Variants in NRF1 observed in about 807,000 individuals in gnomAD.
The protein encoded by NRF1 is alpha palindromic-binding protein.
A neutral mutation model predicts 58.5 loss-of-function variants in NRF1; 5 were observed. That is an observed-to-expected ratio of 0.09 (90% CI 0.04 to 0.18). The LOEUF is 0.18. Among genes scored for constraint, NRF1 ranks in the 10% least tolerant of loss-of-function variants. The pLI, the probability that NRF1 is intolerant of heterozygous loss-of-function variation, is 1.00. For missense variants in NRF1, 288 were observed against 657.7 expected (o/e 0.44, Z 6.15); for synonymous variants, 224 against 246.7 (o/e 0.91, Z 0.86).
In NRF1 at chr7:129,657,457, A is replaced by G. The variant is rs1801683846; in HGVS notation, c.106A>G (p.Ser36Gly). ...CCATGTGGCTACTTACACCGAGCAT[A>G]GTATGCTGAGTGCTGATGAAGACTC... ...QVHVATYTEH[S>G]MLSADEDSPS... The change falls in exon 2 of 11, where the codon AGT becomes GGT. Residue 36 changes from serine (S) to glycine (G), a missense_variant. Ser to Gly is a moderately conservative substitution (Grantham distance 56). Around this residue, in one of 3 missense-constraint regions of NRF1, gnomAD observed 48 missense variants for 65.5 expected, o/e 0.73. Coordinates refer to ENST00000393232, the MANE Select transcript of NRF1 (RefSeq NM_005011.5). The G allele has an allele frequency of 6.2e-7, 1 of 1,614,114 alleles. No homozygotes were observed. The highest frequency in any genetic ancestry group is 8.5e-7 in the Non-Finnish European group (1 of 1,180,010).
intron 1 of NRF1, among the ~76,000 whole-genome samples, chr7:129,619,398 A>ATG (rs1800724463): frequency 5.8e-5 from 1 of 17,230 alleles, no homozygotes; most frequent in Non-Finnish European, 1.2e-4. Flanking sequence ...GCATACGTGT[A>ATG]TATATATATA....
At chr7:129,676,381 T>G (rs914650875) in intron 3 of NRF1, among the ~76,000 whole-genome samples, 1 of 152,192 alleles carries the variant, frequency 6.6e-6, no homozygotes, top group African/African-American at 2.4e-5. Context: ...AGCTTTTGAT[T>G]AAAAGTGGGA....
chr7:129,633,788 ATGTGTGTGTG>A (rs5887437), intron 1 of NRF1: 1 of 150,814 alleles, frequency 6.6e-6, no homozygotes, highest in Admixed American at 6.6e-5. Flanking sequence ...ACTATAAGTG[ATGTGTGTGTG>A]TGTGTATGTG....
At chr7:129,631,236 A>AT (rs55900304) in intron 1 of NRF1, among the ~76,000 whole-genome samples, 213 of 146,238 alleles carry the variant, frequency 1.5e-3, no homozygotes, top group East Asian at 1.8e-3. Flanking sequence ...ATTTGATTTA[A>AT]TTTTTTTTTT....
chr7:129,692,568 TAATGAATG>T (rs773064686), intron 5 of NRF1, among the ~76,000 whole-genome samples: 5 of 152,246 alleles, frequency 3.3e-5, no homozygotes, highest in African/African-American at 1.2e-4. Context: ...AATGAGTGAA[TAATGAATG>T]AATGAATGAA....
chr7:129,716,009 C>CA lies in NRF1; in HGVS notation c.1066-1208dup, dbSNP rs759465047. Among the ~76,000 whole-genome samples the CA allele has an allele frequency of 6.5e-3, 633 of 97,328 alleles. 6 individuals are homozygous for CA. Among genetic ancestry groups the CA allele is most frequent in the African/African-American group, 0.021 (483 of 23,364 alleles). 63.9% of individuals were successfully genotyped at this position (97,328 alleles called of 152,430 possible). ...AACAAGAGCAAAACTCCGTCTCCAA[C>CA]AACAAAAAAAAAAAAGCCATTCTAT... On this transcript the variant is annotated intron_variant, in intron 8 of 10. Coordinates refer to ENST00000393232, the MANE Select transcript of NRF1 (RefSeq NM_005011.5).
At chr7:129,717,992 G>A (rs1252596311) in intron 9 of NRF1, among the ~76,000 whole-genome samples, 1 of 152,098 alleles carries the variant, frequency 6.6e-6, no homozygotes, top group Admixed American at 6.5e-5. Context: ...GCTTATCAGC[G>A]AGCTCAAGAT....
chr7:129,619,486 GTGTGTATA>G (rs1231834174), intron 1 of NRF1, among the ~76,000 whole-genome samples: 846 of 32,204 alleles, frequency 0.026, 13 homozygotes, highest in Middle Eastern at 0.11. Context: ...GTGTGTGTGT[GTGTGTATA>G]TATATATATA....
intron 10 of NRF1, among the ~76,000 whole-genome samples, chr7:129,731,972 T>G (rs1007508121): frequency 1.3e-5 from 2 of 152,208 alleles, no homozygotes; most frequent in African/African-American, 4.8e-5. Flanking sequence ...TACACCTTAA[T>G]GTAAGAAGTC....
intron 10 of NRF1, among the ~76,000 whole-genome samples, chr7:129,750,497 T>G (rs1804089078): frequency 2.0e-5 from 1 of 50,850 alleles, no homozygotes; most frequent in African/African-American, 4.0e-5. Context: ...GGTCTTAAAA[T>G]CCCTACAGTG....
chr7:129,705,188 G>A (rs1401716637), intron 5 of NRF1, among the ~76,000 whole-genome samples: 3 of 152,148 alleles, frequency 2.0e-5, no homozygotes, highest in Non-Finnish European at 4.4e-5. Flanking sequence ...TGCTATCTCA[G>A]CCTCTTCATT....
chr7:129,742,425 C>T (rs1584689572), intron 10 of NRF1, among the ~76,000 whole-genome samples: 1 of 152,078 alleles, frequency 6.6e-6, no homozygotes, highest in South Asian at 2.1e-4. Flanking sequence ...GCTAGAGAGG[C>T]GTCCAGCAGT....
chr7:129,612,612 G>T (rs1376882408), intron 1 of NRF1, among the ~76,000 whole-genome samples: 1 of 152,242 alleles, frequency 6.6e-6, no homozygotes, highest in East Asian at 1.9e-4. Context: ...TTCTTCCTGT[G>T]CCTGGGGTGG....
At chr7:129,746,389 C>T (rs1317444690) in intron 10 of NRF1, among the ~76,000 whole-genome samples, 1 of 152,182 alleles carries the variant, frequency 6.6e-6, no homozygotes, top group Non-Finnish European at 1.5e-5. Context: ...TTGGTATTCT[C>T]AGCCTGTCTA....
At chr7:129,627,335 C>T (rs1170599633) in intron 1 of NRF1, among the ~76,000 whole-genome samples, 1 of 152,096 alleles carries the variant, frequency 6.6e-6, no homozygotes, top group East Asian at 1.9e-4. Flanking sequence ...CCTTAGTTTC[C>T]CCAGTAGCTG....
chr7:129,665,166 T>C (rs1801890858), intron 2 of NRF1, among the ~76,000 whole-genome samples: 1 of 152,158 alleles, frequency 6.6e-6, no homozygotes. Flanking sequence ...AGCAAGGACT[T>C]GCAGATGGGA....
chr7:129,637,221 A>G (rs1450716506), intron 1 of NRF1, among the ~76,000 whole-genome samples: 1 of 151,852 alleles, frequency 6.6e-6, no homozygotes, highest in Non-Finnish European at 1.5e-5. Flanking sequence ...GAGGTTCTGT[A>G]CAGGATTCTG....
intron 1 of NRF1, among the ~76,000 whole-genome samples, chr7:129,649,593 A>G (rs1250973374): frequency 6.6e-6 from 1 of 152,134 alleles, no homozygotes. Flanking sequence ...ATTATTGACT[A>G]CAAGTACCAG....
At chr7:129,668,277 T>C (rs996111890) in intron 2 of NRF1, among the ~76,000 whole-genome samples, 1 of 152,372 alleles carries the variant, frequency 6.6e-6, no homozygotes, top group East Asian at 1.9e-4. Flanking sequence ...AGTTCCACAC[T>C]AGTTTAATGA....
Sources: gnomAD v4.1 joint callset for allele counts (sites outside exome capture counted in the v4.1 genomes callset) on GRCh38, gnomAD v4.1.1 for gene constraint, gnomAD v4.1.1 regional missense constraint, MANE v1.5 for transcripts, NCBI Gene and HGNC (gene_info 2026-07-23, HGNC 2026-07-21) for gene names.